MAP4: variants seen among roughly 807,000 people sequenced by gnomAD.
MAP4 encodes microtubule associated protein 4.
In MAP4, 76 loss-of-function variants were observed where a neutral mutation model predicts 170.2. The observed-to-expected ratio is 0.45, with a 90% CI of 0.37 to 0.54. The LOEUF (loss-of-function observed/expected upper bound fraction) is 0.54, where lower values mean the gene tolerates loss of function less well. Among genes scored for constraint, MAP4 ranks in the 20% least tolerant of loss-of-function variants. The pLI is 0.00. For synonymous variants in MAP4, 909 were observed against 994.5 expected (o/e 0.91, Z 1.62); for missense variants, 2,506 against 2,748.0 (o/e 0.91, Z 1.97).
chr3:47,954,280 T>G (rs1397624781), intron 3 of MAP4, among the ~76,000 whole-genome samples: 1 of 152,062 alleles, frequency 6.6e-6, no homozygotes, highest in African/African-American at 2.4e-5. Flanking sequence ...GGTAACGGGA[T>G]CCTAAAATAA....
At chr3:47,973,010 G>A in intron 3 of MAP4, 1 of 984,898 alleles carries the variant, frequency 1.0e-6, no homozygotes, top group South Asian at 4.7e-5. Context: ...TGGGCCTCAA[G>A]TCTTTACCCA....
chr3:47,996,043 T>G (rs2100095361), intron 2 of MAP4, among the ~76,000 whole-genome samples: 1 of 152,092 alleles, frequency 6.6e-6, no homozygotes, highest in South Asian at 2.1e-4. Flanking sequence ...CAGGAAAGAT[T>G]GGAAGCAGGG....
chr3:47,894,615 G>T (rs1205596051), intron 10 of MAP4, among the ~76,000 whole-genome samples: 1 of 151,656 alleles, frequency 6.6e-6, no homozygotes. Flanking sequence ...AATATGAGGC[G>T]AGATTGGGTA....
rs55939839 is a variant in MAP4 at position 48,066,822 on chromosome 3, CTTTTTTTTTTTTTTTTTTTTT to C, written c.-20+21930_-20+21950del. Among the ~76,000 whole-genome samples, 280 of 65,840 alleles carry C rather than the reference CTTTTTTTTTTTTTTTTTTTTT, an allele frequency of 4.3e-3. 3 individuals carry two copies. The Middle Eastern group carries it at 0.1, about 24-fold the overall frequency. The allele number at this position is 65,840 out of a possible 152,430, so 43.2% of individuals were successfully genotyped here. ...TCTCTAAATGAAACATCTCTAATTC[CTTTTTTTTTTTTTTTTTTTTT>C]TTTTTTTTTTTTTTTGAGACGGAGT... is the stretch of plus-strand genomic sequence containing the variant. On this transcript the variant is annotated intron_variant, in intron 1 of 18. Transcript: ENST00000360240.
At chr3:47,939,692 G>A (rs2100055086) in intron 3 of MAP4, among the ~76,000 whole-genome samples, 1 of 145,912 alleles carries the variant, frequency 6.9e-6, no homozygotes, top group Admixed American at 6.9e-5. Context: ...CTCATGGTAA[G>A]AAACTGTAAA....
At chr3:47,938,992 T>C (rs568044105) in intron 3 of MAP4, among the ~76,000 whole-genome samples, 18 of 152,364 alleles carry the variant, frequency 1.2e-4, no homozygotes, top group Non-Finnish European at 1.9e-4. Context: ...GCTTGTTCCC[T>C]ACTACTCCAA....
chr3:47,896,196 C>T (rs1210247594), intron 10 of MAP4, among the ~76,000 whole-genome samples: 1 of 152,196 alleles, frequency 6.6e-6, no homozygotes, highest in Non-Finnish European at 1.5e-5. Flanking sequence ...AGTTAAAACA[C>T]ACAAATACAT....
intron 5 of MAP4, among the ~76,000 whole-genome samples, chr3:47,919,896 T>C (rs1422921574): frequency 6.7e-6 from 1 of 148,510 alleles, no homozygotes; most frequent in African/African-American, 2.5e-5. Context: ...GACAATTTTA[T>C]TAAAATACTT....
rs745551571 is a variant in MAP4, at chr3:47,912,037, T to C, written c.2384A>G (p.Asp795Gly). Residue 795 changes from aspartate to glycine, a missense_variant, in exon 9 of 21, where the codon GAT (aspartate) becomes GGT (glycine). Around this residue, in one of 3 missense-constraint regions of MAP4, gnomAD observed 2,008 missense variants for 2,206.0 expected, o/e 0.91. Coordinates refer to ENST00000683076, the MANE Select transcript of MAP4 (RefSeq NM_001385682.1). ...AGGPSDDDNA[D>G]KPKGHPFAAD... is the part of the protein sequence containing the mutation. ...TGCAAATGGATGACCTTTAGGCTTA[T>C]CTGCATTGTCATCATCCGAAGGTCC... The C allele has an allele frequency of 2.0e-6, 3 of 1,536,052 alleles. No homozygotes were observed. The highest frequency in any genetic ancestry group is 2.6e-6 in the Non-Finnish European group (3 of 1,146,930).
chr3:47,927,538 C>T (rs1330633262), intron 4 of MAP4, among the ~76,000 whole-genome samples: 7 of 152,084 alleles, frequency 4.6e-5, no homozygotes, highest in African/African-American at 9.7e-5. Flanking sequence ...TGCAGTGGCG[C>T]GATCTCGGCT....
chr3:47,892,206 CCTT>C, intron 10 of MAP4: 1 of 1,536,390 alleles, frequency 6.5e-7, no homozygotes, highest in South Asian at 1.2e-5. Flanking sequence ...TCTTGACAGT[CCTT>C]GTCCTGCATT....
chr3:47,906,601 T>C lies in MAP4; in HGVS notation c.5383+2437A>G, dbSNP rs1316749684. On this transcript the variant is annotated intron_variant, in intron 9 of 20. Coordinates refer to ENST00000683076, the MANE Select transcript of MAP4 (RefSeq NM_001385682.1). Reference sequence around the variant, plus strand: ...GGGAGGCTGAGGCAGGAGAATCACTTGAACCCAGGAGGCAGAGGTTGCGGT... The same window carrying C: ...GGGAGGCTGAGGCAGGAGAATCACTCGAACCCAGGAGGCAGAGGTTGCGGT... 2.6e-5 allele frequency among the ~76,000 whole-genome samples: 4 copies of C among 151,510 alleles called. No homozygotes were observed. In the South Asian group the frequency reaches 6.2e-4, roughly 24 times the overall value.
intron 4 of MAP4, among the ~76,000 whole-genome samples, chr3:47,927,377 G>C (rs2100046643): frequency 6.6e-6 from 1 of 152,152 alleles, no homozygotes; most frequent in Admixed American, 6.5e-5. Flanking sequence ...GGCTAACAGG[G>C]AAGTACCAAA....
chr3:48,047,027 G>A (rs1284600762), intron 1 of MAP4, among the ~76,000 whole-genome samples: 1 of 151,988 alleles, frequency 6.6e-6, no homozygotes, highest in East Asian at 1.9e-4. Flanking sequence ...CCAGGAGGCG[G>A]AGCTTGCAGT....
intron 1 of MAP4, among the ~76,000 whole-genome samples, chr3:48,049,752 G>A (rs1234903430): frequency 2.0e-5 from 3 of 151,970 alleles, no homozygotes; most frequent in Admixed American, 2.0e-4. Context: ...CCAACATAGT[G>A]AAACCCTGTC....
chr3:48,025,887 C>T (rs1334089067), intron 1 of MAP4, among the ~76,000 whole-genome samples: 4 of 128,348 alleles, frequency 3.1e-5, no homozygotes, highest in Admixed American at 8.2e-5. Context: ...GCTACAAGTG[C>T]GAAACTCTGC....
upstream of MAP4, among the ~76,000 whole-genome samples, chr3:48,019,150 C>A (rs1470291971): frequency 6.6e-6 from 1 of 152,064 alleles, no homozygotes; most frequent in African/African-American, 2.4e-5. Context: ...CTAGCCTGGG[C>A]AAGATGGCAA....
chr3:47,902,874 T>C (rs1343087150), intron 10 of MAP4, 76 bp downstream of exon 10: 10 of 593,406 alleles, frequency 1.7e-5, no homozygotes, highest in Non-Finnish European at 1.9e-5. Flanking sequence ...ATTTTATTTA[T>C]GTACAAGGGC....
chr3:47,890,957 ATC>A, intron 10 of MAP4: 1 of 1,299,606 alleles, frequency 7.7e-7, no homozygotes, highest in East Asian at 2.5e-5. Flanking sequence ...TCTGCCGGTA[ATC>A]TGTCACTTTG....
Sources: gnomAD v4.1 joint callset for allele counts (sites outside exome capture counted in the v4.1 genomes callset) on GRCh38, gnomAD v4.1.1 for gene constraint, gnomAD v4.1.1 regional missense constraint, MANE v1.5 for transcripts, NCBI Gene and HGNC (gene_info 2026-07-23, HGNC 2026-07-21) for gene names.